Variants in CPA6 observed in about 807,000 individuals in gnomAD.
The protein encoded by CPA6 is carboxypeptidase A6.
In CPA6, 58 loss-of-function variants were observed where a neutral mutation model predicts 63.3. That is an observed-to-expected ratio of 0.92 (90% confidence interval 0.74 to 1.14). CPA6 has a LOEUF of 1.14. Ranked by LOEUF, CPA6 falls within the 50% of genes most tolerant of loss-of-function variation. CPA6 has a pLI of 0.00. For synonymous variants in CPA6, 185 were observed against 179.0 expected, an observed-to-expected ratio of 1.03 and a Z score of -0.27; for missense variants, 565 against 526.6, an observed-to-expected ratio of 1.07 and a Z score of -0.71.
At chr8:67,583,638 C>T (rs1024837938) in intron 2 of CPA6, among the ~76,000 whole-genome samples, 1 of 152,126 alleles carries the variant, frequency 6.6e-6, no homozygotes, top group Non-Finnish European at 1.5e-5. Context: ...GCTGTGAATT[C>T]AGGTGGAGTG....
intron 1 of CPA6, among the ~76,000 whole-genome samples, chr8:67,655,883 T>C (rs1815971444): frequency 1.3e-5 from 2 of 152,020 alleles, no homozygotes; most frequent in South Asian, 4.1e-4. Flanking sequence ...AAAAAGAAAA[T>C]GTCTTTGTAT....
intron 5 of CPA6, among the ~76,000 whole-genome samples, chr8:67,507,096 A>C (rs1490638962): frequency 6.6e-6 from 1 of 152,162 alleles, no homozygotes; most frequent in East Asian, 1.9e-4. Context: ...TAATAAAAGA[A>C]CTAGAAAGTA....
chr8:67,487,093 T>C (rs2128961694), intron 6 of CPA6, among the ~76,000 whole-genome samples: 1 of 152,304 alleles, frequency 6.6e-6, no homozygotes, highest in South Asian at 2.1e-4. Context: ...CTAGGGTACA[T>C]GGGCACAACG....
chr8:67,662,952 A>G (rs1816149792), intron 1 of CPA6, among the ~76,000 whole-genome samples: 1 of 152,130 alleles, frequency 6.6e-6, no homozygotes, highest in Non-Finnish European at 1.5e-5. Context: ...GAGAGGAAAA[A>G]GAAGAAGTGC....
chr8:67,604,614 C>A (rs1814579387), intron 2 of CPA6, among the ~76,000 whole-genome samples: 1 of 152,166 alleles, frequency 6.6e-6, no homozygotes, highest in Non-Finnish European at 1.5e-5. Context: ...GTTGTGTTTC[C>A]TGCTGTATCC....
intron 2 of CPA6, among the ~76,000 whole-genome samples, chr8:67,534,028 G>A (rs1350987823): frequency 6.6e-6 from 1 of 152,174 alleles, no homozygotes; most frequent in Non-Finnish European, 1.5e-5. Context: ...GTTTCTCTGG[G>A]CAGAGATGGC....
intron 1 of CPA6, among the ~76,000 whole-genome samples, chr8:67,640,847 G>A (rs1401556008): frequency 7.9e-5 from 12 of 151,586 alleles, no homozygotes; most frequent in Non-Finnish European, 1.6e-4. Context: ...AACCTCAAAC[G>A]AGTGAACCCG....
chr8:67,742,537 A>T (rs1179494690), intron 1 of CPA6, among the ~76,000 whole-genome samples: 1 of 152,192 alleles, frequency 6.6e-6, no homozygotes, highest in Non-Finnish European at 1.5e-5. Context: ...TAACAAATGC[A>T]TAAGGTTGTT....
At chr8:67,669,526 C>G (rs1425860764) in intron 1 of CPA6, among the ~76,000 whole-genome samples, 1 of 152,162 alleles carries the variant, frequency 6.6e-6, no homozygotes. Context: ...AGAATTTAAG[C>G]TGAAGTAACA....
At chr8:67,589,059 A>G (rs1175148657) in intron 2 of CPA6, among the ~76,000 whole-genome samples, 1 of 152,082 alleles carries the variant, frequency 6.6e-6, no homozygotes, top group Non-Finnish European at 1.5e-5. Context: ...CAGAGGTTGC[A>G]GTGAGCCAAG....
intron 2 of CPA6, among the ~76,000 whole-genome samples, chr8:67,564,401 C>T (rs779651573): frequency 1.5e-4 from 23 of 150,484 alleles, no homozygotes; most frequent in Non-Finnish European, 2.4e-4. Flanking sequence ...TGAGCAGCGA[C>T]GATTAAAAGT....
At chr8:67,428,846 C>T (rs1186626853) in intron 9 of CPA6, among the ~76,000 whole-genome samples, 2 of 152,198 alleles carry the variant, frequency 1.3e-5, no homozygotes, top group Non-Finnish European at 2.9e-5. Context: ...CGGTCTCAGT[C>T]ATAGCTCACA....
chr8:67,646,142 G>A (rs139278777), intron 1 of CPA6, among the ~76,000 whole-genome samples: 2 of 152,282 alleles, frequency 1.3e-5, no homozygotes, highest in African/African-American at 4.8e-5. Context: ...ACCATGACAG[G>A]TGACAAACAC....
chr8:67,477,311 G>GAA (rs1203013002), intron 8 of CPA6, among the ~76,000 whole-genome samples: 3 of 121,598 alleles, frequency 2.5e-5, no homozygotes, highest in South Asian at 2.6e-4. Flanking sequence ...AAAAAAAAAG[G>GAA]AAAAAAAAAA....
chr8:67,437,141 A>T (rs1810178588), intron 8 of CPA6, among the ~76,000 whole-genome samples: 2 of 152,220 alleles, frequency 1.3e-5, no homozygotes, highest in Admixed American at 1.3e-4. Flanking sequence ...TATGCTTGTA[A>T]TCCCAGCACT....
chr8:67,525,775 G>T (rs926869788), intron 2 of CPA6, among the ~76,000 whole-genome samples: 2 of 152,160 alleles, frequency 1.3e-5, no homozygotes, highest in African/African-American at 4.8e-5. Context: ...ATCTCAAACA[G>T]AAAGTTAAAT....
chr8:67,669,804 A>C lies in CPA6; in HGVS notation c.117-45553T>G, dbSNP rs75351091. 9.5e-3 allele frequency among the ~76,000 whole-genome samples: 1,443 copies of C among 152,066 alleles called. 15 individuals are homozygous for C. The highest frequency in any genetic ancestry group is 0.046 in the East Asian group (239 of 5,176). ...AAAAATTATCTAAAGACAAAAAAAA[A>C]AACAACCCCAAAAAACAGAGCATCT... On this transcript the variant is annotated intron_variant, in intron 1 of 10. Coordinates refer to ENST00000297770, the MANE Select transcript of CPA6 (RefSeq NM_020361.5).
rs1812164712 is a variant in CPA6 at position 67,517,256 on chromosome 8, A to G, written c.317+667T>C. Reference sequence around the variant, plus strand: ...ACTACTTACTGTCCAACATGAGGAGAGTCTGCTCTGAAATATTTTTTTAAT... The same window carrying G: ...ACTACTTACTGTCCAACATGAGGAGGGTCTGCTCTGAAATATTTTTTTAAT... On this transcript the variant is annotated intron_variant, in intron 3 of 10. Transcript: ENST00000297770. 2.0e-5 allele frequency among the ~76,000 whole-genome samples: 3 copies of G among 151,828 alleles called. No homozygotes were observed. The South Asian group carries it at 6.3e-4, about 32-fold the overall frequency.
At chr8:67,669,043 A>G (rs542794313) in intron 1 of CPA6, among the ~76,000 whole-genome samples, 1 of 152,332 alleles carries the variant, frequency 6.6e-6, no homozygotes, top group Admixed American at 6.5e-5. Context: ...GCATGTAGGA[A>G]GAATCACTCG....
Sources: allele counts gnomAD v4.1 joint callset (sites outside exome capture counted in the v4.1 genomes callset), GRCh38; gene constraint gnomAD v4.1.1; transcripts MANE v1.5; gene names NCBI Gene and HGNC (gene_info 2026-07-23, HGNC 2026-07-21).